The following THSD7A variants were observed in gnomAD, a reference collection of about 807,000 sequenced individuals.
The protein encoded by THSD7A is thrombospondin type-1 domain-containing protein 7A.
In THSD7A, 96 loss-of-function variants were observed where a neutral mutation model predicts 231.3. That is an observed-to-expected ratio of 0.41 (90% CI 0.35 to 0.49). The LOEUF is 0.49. Ranked by LOEUF, THSD7A falls within the 20% of genes least tolerant of loss-of-function variation. The probability of loss-of-function intolerance (pLI) is 0.05; values close to 1 mark genes in which losing one functional copy is unlikely to be tolerated. For synonymous variants in THSD7A, 940 were observed against 743.3 expected, an observed-to-expected ratio of 1.26 and a Z score of -4.30; for missense variants, 2,290 against 2,070.2, an observed-to-expected ratio of 1.11 and a Z score of -2.06.
At chr7:11,823,446 A>C (rs1012762894) in intron 1 of THSD7A, among the ~76,000 whole-genome samples, 1 of 151,692 alleles carries the variant, frequency 6.6e-6, no homozygotes, top group Admixed American at 6.6e-5. Context: ...GTTCTTTTTT[A>C]TGGCTCCATA....
intron 1 of THSD7A, among the ~76,000 whole-genome samples, chr7:11,696,464 G>C (rs1196538096): frequency 1.3e-5 from 2 of 151,450 alleles, no homozygotes; most frequent in Non-Finnish European, 3.0e-5. Context: ...TACATGTGCA[G>C]AAAGTGCAGG....
chr7:11,830,969 C>A (rs1273520044), intron 1 of THSD7A, among the ~76,000 whole-genome samples: 1 of 151,998 alleles, frequency 6.6e-6, no homozygotes, highest in Non-Finnish European at 1.5e-5. Flanking sequence ...TTTTTTAATG[C>A]AGAGAGAAAG....
chr7:11,612,039 C>G (rs1373056843), intron 2 of THSD7A, among the ~76,000 whole-genome samples: 1 of 152,140 alleles, frequency 6.6e-6, no homozygotes, highest in Non-Finnish European at 1.5e-5. Context: ...CCCTTCATGA[C>G]ATTGCCCCCA....
intron 1 of THSD7A, among the ~76,000 whole-genome samples, chr7:11,706,630 C>CTTTTATTTTTTTTTTTTTTTT (rs1780776653): frequency 1.5e-5 from 1 of 66,420 alleles, no homozygotes; most frequent in Non-Finnish European, 2.7e-5. Context: ...TAACAAGGTG[C>CTTTTATTTTTTTTTTTTTTTT]TTTTTTTTTT....
chr7:11,817,086 A>C (rs1419813956), intron 1 of THSD7A, among the ~76,000 whole-genome samples: 1 of 152,204 alleles, frequency 6.6e-6, no homozygotes, highest in Non-Finnish European at 1.5e-5. Context: ...GCTGGTAGAC[A>C]ACATTTTCAT....
At chr7:11,463,147 G>A (rs907527247) in intron 9 of THSD7A, among the ~76,000 whole-genome samples, 1 of 152,104 alleles carries the variant, frequency 6.6e-6, no homozygotes, top group Non-Finnish European at 1.5e-5. Flanking sequence ...AACAATTAAT[G>A]TTTAATCAGA....
At chr7:11,617,434 T>C (rs1208281676) in intron 2 of THSD7A, among the ~76,000 whole-genome samples, 1 of 152,242 alleles carries the variant, frequency 6.6e-6, no homozygotes, top group African/African-American at 2.4e-5. Context: ...TGTATGTATG[T>C]ATGATTCATT....
chr7:11,546,485 A>G (rs78235246), intron 4 of THSD7A, among the ~76,000 whole-genome samples: 2,467 of 152,272 alleles, frequency 0.016, 32 homozygotes, highest in South Asian at 0.024. Flanking sequence ...TCACCCGGAA[A>G]TGAAGCCAGT....
At chr7:11,561,004 T>C (rs969277154) in intron 4 of THSD7A, among the ~76,000 whole-genome samples, 1 of 152,136 alleles carries the variant, frequency 6.6e-6, no homozygotes, top group Non-Finnish European at 1.5e-5. Flanking sequence ...ATAAAACCCA[T>C]GAGGTAGGTA....
rs901735499 is a variant in THSD7A, at chr7:11,444,883, T to TTA, written c.3064+1176_3064+1177dup. ...AAAACTATCATTATATATAACTATT[T>TTA]TATATATATATAAAATGCTGTATAT... On this transcript the variant is annotated intron_variant, in intron 13 of 27. Transcript: ENST00000423059. This position sits in a 1 kb window ranked among gnomAD's most constrained non-coding sequence, Gnocchi z 4.2. Among the ~76,000 whole-genome samples, 6 of 147,414 alleles carry TTA rather than the reference T, an allele frequency of 4.1e-5. No individual in the cohort carries two copies. Among genetic ancestry groups the TTA allele is most frequent in the Non-Finnish European group, 7.5e-5 (5 of 67,024 alleles).
chr7:11,489,495 A>G (rs1219309223), intron 6 of THSD7A, among the ~76,000 whole-genome samples: 1 of 152,052 alleles, frequency 6.6e-6, no homozygotes, highest in Non-Finnish European at 1.5e-5. Context: ...ATCTTTCTCA[A>G]GGAAATAGGA....
intron 13 of THSD7A, among the ~76,000 whole-genome samples, chr7:11,440,949 T>C (rs1315049225): frequency 6.6e-6 from 1 of 152,054 alleles, no homozygotes; most frequent in Non-Finnish European, 1.5e-5. Context: ...CAGAGAACTC[T>C]TTAGTGAATG....
chr7:11,683,063 G>A lies in THSD7A; in HGVS notation c.191-46102C>T, dbSNP rs530068398. ...TTGAACCCAGGGGACGGAATTTGCA[G>A]TGAGCCGAGATCATGCTACTGCACT... is the stretch of plus-strand genomic sequence containing the variant. On this transcript the variant is annotated intron_variant, in intron 1 of 27. Transcript: ENST00000423059. 1.9e-4 allele frequency among the ~76,000 whole-genome samples: 29 copies of A among 150,762 alleles called. 1 individual carries two copies. The East Asian group carries it at 5.8e-3, about 30-fold the overall frequency.
chr7:11,665,960 G>A (rs1783114703), intron 1 of THSD7A, among the ~76,000 whole-genome samples: 2 of 152,044 alleles, frequency 1.3e-5, no homozygotes, highest in Non-Finnish European at 2.9e-5. Context: ...TGGAAATGAG[G>A]GGCTTTAGTC....
chr7:11,676,283 G>C (rs770333920), intron 1 of THSD7A, among the ~76,000 whole-genome samples: 8 of 152,092 alleles, frequency 5.3e-5, no homozygotes, highest in Non-Finnish European at 1.0e-4. Flanking sequence ...AGAAACCAAA[G>C]GTAGATAAAT....
intron 22 of THSD7A, among the ~76,000 whole-genome samples, chr7:11,403,932 G>A (rs1232342934): frequency 6.6e-6 from 1 of 152,034 alleles, no homozygotes; most frequent in Non-Finnish European, 1.5e-5. Context: ...ACTCTTTAAA[G>A]CTTATTAGTT....
chr7:11,481,315 T>G (rs1001543089), intron 7 of THSD7A, among the ~76,000 whole-genome samples: 2 of 152,162 alleles, frequency 1.3e-5, no homozygotes, highest in African/African-American at 4.8e-5. Context: ...TCAAAGAAAC[T>G]GAAAATTGCA....
At chr7:11,432,689 C>T (rs1310403844) in intron 13 of THSD7A, among the ~76,000 whole-genome samples, 1 of 152,000 alleles carries the variant, frequency 6.6e-6, no homozygotes, top group Non-Finnish European at 1.5e-5. Flanking sequence ...TGTGAATATA[C>T]TATGACTTGT....
chr7:11,416,873 G>A (rs1783979803), intron 17 of THSD7A, among the ~76,000 whole-genome samples: 1 of 152,158 alleles, frequency 6.6e-6, no homozygotes. Context: ...GAAACTCTCA[G>A]CTGGCTTTCC....
Sources: allele counts gnomAD v4.1 joint callset (sites outside exome capture counted in the v4.1 genomes callset), GRCh38; gene constraint gnomAD v4.1.1; non-coding constraint Gnocchi (gnomAD v3.1); transcripts MANE v1.5; gene names NCBI Gene and HGNC (gene_info 2026-07-23, HGNC 2026-07-21).